The following NRXN3 variants were observed in gnomAD, a reference collection of about 807,000 sequenced individuals.
NRXN3 encodes neurexin 3, also known as neurexin III.
A neutral mutation model predicts 137.6 loss-of-function variants in NRXN3; 32 were observed. The observed-to-expected ratio is 0.23, with a 90% CI of 0.18 to 0.31. The LOEUF (loss-of-function observed/expected upper bound fraction) is 0.31. NRXN3 is among the 10% of genes least tolerant of loss of function. The pLI, the probability that NRXN3 is intolerant of heterozygous loss-of-function variation, is 1.00. For synonymous variants in NRXN3, 798 were observed against 784.5 expected (o/e 1.02, Z -0.29); for missense variants, 1,574 against 2,062.5 (o/e 0.76, Z 4.59).
intron 10 of NRXN3, among the ~76,000 whole-genome samples, chr14:78,910,682 T>A (rs1180510042): frequency 6.6e-6 from 1 of 152,154 alleles, no homozygotes; most frequent in Admixed American, 6.6e-5. Flanking sequence ...CCTATCACCA[T>A]CTGAAATTCT....
At chr14:79,747,442 T>C (rs2098983097) in intron 19 of NRXN3, among the ~76,000 whole-genome samples, 1 of 152,092 alleles carries the variant, frequency 6.6e-6, no homozygotes, top group Admixed American at 6.6e-5. Context: ...AGGAAAATAG[T>C]GCAGTGGGAG....
intron 15 of NRXN3, among the ~76,000 whole-genome samples, chr14:79,458,578 A>C (rs1178719067): frequency 6.6e-6 from 1 of 152,188 alleles, no homozygotes; most frequent in Non-Finnish European, 1.5e-5. Flanking sequence ...TAAATAAATT[A>C]AACAGCCCTG....
intron 14 of NRXN3, among the ~76,000 whole-genome samples, chr14:78,968,920 T>G (rs1409111525): frequency 2.0e-5 from 3 of 152,168 alleles, no homozygotes; most frequent in African/African-American, 4.8e-5. Flanking sequence ...ATTGGAACAT[T>G]ATGGGCTTTG....
At chr14:79,447,018 G>A (rs1446643700) in intron 15 of NRXN3, among the ~76,000 whole-genome samples, 1 of 152,148 alleles carries the variant, frequency 6.6e-6, no homozygotes, top group Non-Finnish European at 1.5e-5. Flanking sequence ...TACTTCTTAA[G>A]CCATGGCTTC....
intron 13 of NRXN3, 120 bp from the exon 14 acceptor site, chr14:78,968,053 C>T (rs749537998): frequency 0.28 from 17,593 of 61,940 alleles, 5,094 homozygotes; most frequent in Middle Eastern, 0.42. Flanking sequence ...TGCTGTCCCC[C>T]CCCCCCCCCC....
intron 6 of NRXN3, among the ~76,000 whole-genome samples, chr14:78,654,511 C>T (rs1001858869): frequency 6.6e-6 from 1 of 152,236 alleles, no homozygotes; most frequent in African/African-American, 2.4e-5. Flanking sequence ...TTACTTCACA[C>T]CTAAAAGCTA....
At chr14:78,334,710 A>G (rs922350515) in intron 4 of NRXN3, among the ~76,000 whole-genome samples, 8 of 152,188 alleles carry the variant, frequency 5.3e-5, no homozygotes, top group African/African-American at 1.9e-4. Context: ...CACAGTCTGA[A>G]TGAAGAGGAG....
chr14:79,810,281 G>C, intron 20 of NRXN3, among the ~76,000 whole-genome samples: 1 of 151,916 alleles, frequency 6.6e-6, no homozygotes, highest in East Asian at 1.9e-4. Context: ...GTTATCCAGG[G>C]GTATATTTTT....
intron 1 of NRXN3, among the ~76,000 whole-genome samples, chr14:78,238,358 G>A (rs2066619540): frequency 6.6e-6 from 1 of 152,162 alleles, no homozygotes; most frequent in Admixed American, 6.5e-5. Flanking sequence ...CAGGCTCTGG[G>A]GCAAACCACC....
intron 19 of NRXN3, among the ~76,000 whole-genome samples, chr14:79,776,845 T>A (rs1008333982): frequency 6.6e-6 from 1 of 152,208 alleles, no homozygotes; most frequent in South Asian, 2.1e-4. Flanking sequence ...CATTTTAATT[T>A]ACAAGCCAAG....
intron 15 of NRXN3, among the ~76,000 whole-genome samples, chr14:79,338,566 T>C (rs1282832559): frequency 6.6e-6 from 1 of 152,138 alleles, no homozygotes; most frequent in African/African-American, 2.4e-5. Flanking sequence ...ATGTATCCAC[T>C]GTCAGCCCAT....
At chr14:78,465,356 T>C (rs2095066873) in intron 4 of NRXN3, among the ~76,000 whole-genome samples, 1 of 152,122 alleles carries the variant, frequency 6.6e-6, no homozygotes, top group Non-Finnish European at 1.5e-5. Flanking sequence ...AATTAAAATT[T>C]TGAGAACTAT....
Position 79,090,777 on chromosome 14 carries a change from G to C in NRXN3, c.3262+102636G>C, listed in dbSNP as rs1203073731. On this transcript the variant is annotated intron_variant, in intron 15 of 20. Coordinates refer to ENST00000335750, the MANE Select transcript of NRXN3 (RefSeq NM_001330195.2). ...GGGGCTCAGTGATACCAAATATGCAGATCACATAATTAAGTCCATAGCACT... is the reference window on the plus strand; with the variant it reads ...GGGGCTCAGTGATACCAAATATGCACATCACATAATTAAGTCCATAGCACT... Among the ~76,000 whole-genome samples, 10 of 152,232 alleles carry C rather than the reference G, an allele frequency of 6.6e-5. No homozygotes were observed. In the East Asian group the frequency reaches 1.5e-3, roughly 24 times the overall value.
chr14:78,179,257 C>A (rs985742039), intron 1 of NRXN3, among the ~76,000 whole-genome samples: 1 of 151,866 alleles, frequency 6.6e-6, no homozygotes, highest in Non-Finnish European at 1.5e-5. Context: ...AGGGAATGAG[C>A]GGGATCCCCC....
intron 6 of NRXN3, among the ~76,000 whole-genome samples, chr14:78,663,884 C>T (rs2097860114): frequency 6.6e-6 from 1 of 152,184 alleles, no homozygotes; most frequent in Non-Finnish European, 1.5e-5. Flanking sequence ...CATATACCTA[C>T]AGGGATAAAG....
chr14:78,385,180 A>T (rs1443289373), intron 4 of NRXN3, among the ~76,000 whole-genome samples: 2 of 152,162 alleles, frequency 1.3e-5, no homozygotes, highest in African/African-American at 4.8e-5. Flanking sequence ...CAAATAAAAA[A>T]AATGAAAGGA....
intron 4 of NRXN3, among the ~76,000 whole-genome samples, chr14:78,630,222 A>G (rs1180123829): frequency 6.6e-6 from 1 of 152,218 alleles, no homozygotes; most frequent in Admixed American, 6.5e-5. Context: ...CTGACTGACA[A>G]CTCAAAACGA....
At chr14:78,381,225 G>A (rs913249594) in intron 4 of NRXN3, among the ~76,000 whole-genome samples, 1 of 152,046 alleles carries the variant, frequency 6.6e-6, no homozygotes, top group Non-Finnish European at 1.5e-5. Flanking sequence ...CAAGTTCTAG[G>A]GCTAACCAAA....
chr14:79,736,680 G>A (rs940727168), intron 19 of NRXN3, among the ~76,000 whole-genome samples: 3 of 152,160 alleles, frequency 2.0e-5, no homozygotes, highest in African/African-American at 7.2e-5. Flanking sequence ...CCCAAGTTCT[G>A]GGAGCCCATG....
Sources: gnomAD v4.1 joint callset for allele counts (sites outside exome capture counted in the v4.1 genomes callset) on GRCh38, gnomAD v4.1.1 for gene constraint, MANE v1.5 for transcripts, NCBI Gene and HGNC (gene_info 2026-07-23, HGNC 2026-07-21) for gene names.